The following DZIP3 variants were observed in gnomAD, a reference collection of about 807,000 sequenced individuals.
DZIP3 encodes the protein E3 ubiquitin-protein ligase DZIP3.
Under a neutral mutation model 162.0 loss-of-function variants are expected in DZIP3, and 118 were observed. The observed-to-expected ratio is 0.73, with a 90% CI of 0.63 to 0.85. The LOEUF (loss-of-function observed/expected upper bound fraction) is 0.85, where lower values mean the gene tolerates loss of function less well. DZIP3 is among the 40% of genes least tolerant of loss of function. The pLI, the probability that DZIP3 is intolerant of heterozygous loss-of-function variation, is 0.00. For missense variants in DZIP3, 1,331 were observed against 1,407.0 expected (o/e 0.95, Z 0.86); for synonymous variants, 438 against 458.6 (o/e 0.96, Z 0.57).
chr3:108,667,213 A>G (rs1943720698), intron 21 of DZIP3, among the ~76,000 whole-genome samples: 1 of 152,110 alleles, frequency 6.6e-6, no homozygotes, highest in Non-Finnish European at 1.5e-5. Context: ...GAGAAAATCC[A>G]TGAAACAAAA....
At chr3:108,686,421 G>A (rs1448152434) in intron 27 of DZIP3, 24 bp from the exon 28 acceptor site, 7 of 1,534,740 alleles carry the variant, frequency 4.6e-6, no homozygotes, top group Non-Finnish European at 6.1e-6. Flanking sequence ...AACCTGCTGG[G>A]CTATAGCTCT....
chr3:108,636,660 C>T lies in DZIP3; in HGVS notation c.963C>T (p.Asp321=), dbSNP rs765467033. The change falls in exon 11 of 33, where the codon GAC becomes GAT. Residue 321 remains aspartate, a synonymous_variant. Transcript: ENST00000361582. ...GTTTGAAGGAAGGATGTACAGGTGA[C>T]ATGGTAAGGATGCTGCAATGTGATG... The part of the protein sequence containing the change: ...KKCLKEGCTG[D]MVRMLQCDVP... 1.3e-6 allele frequency: 2 copies of T among 1,582,300 alleles called. No individual in the cohort carries two copies. Among genetic ancestry groups the T allele is most frequent in the South Asian group, 2.4e-5 (2 of 83,414 alleles).
chr3:108,678,364 G>A (rs1370378893), intron 26 of DZIP3, among the ~76,000 whole-genome samples: 1 of 151,908 alleles, frequency 6.6e-6, no homozygotes, highest in Non-Finnish European at 1.5e-5. Context: ...CCACTCCCCA[G>A]TTCTTGAAAA....
Position 108,629,132 on chromosome 3 carries a change from G to A in DZIP3, c.652G>A (p.Asp218Asn). Reference sequence around the variant, plus strand: ...TGGAGACAAAAATGACCATTGGTTTGACATAGATCCTACAGAAGATGAAGA... The same window carrying A: ...TGGAGACAAAAATGACCATTGGTTTAACATAGATCCTACAGAAGATGAAGA... Reference protein sequence around the residue: ...EIGDKNDHWFDIDPTEDEDLP... With the variant: ...EIGDKNDHWFNIDPTEDEDLP... The change falls in exon 8 of 33, where the codon GAC (aspartate) becomes AAC (asparagine). Residue 218 changes from aspartate (D) to asparagine (N), a missense_variant. Coordinates refer to ENST00000361582, the MANE Select transcript of DZIP3 (RefSeq NM_014648.4). 6.2e-7 allele frequency: 1 copy of A among 1,601,854 alleles called. No homozygotes were observed. The highest frequency in any genetic ancestry group is 8.5e-7 in the Non-Finnish European group (1 of 1,176,100).
At chr3:108,611,373 GTA>G in intron 4 of DZIP3, 44 bp downstream of exon 4, 1 of 1,588,658 alleles carries the variant, frequency 6.3e-7, no homozygotes, top group South Asian at 1.2e-5. Flanking sequence ...GCAGCTGTCT[GTA>G]TATGACTTTT....
At chr3:108,655,876 C>T (rs1261173427) in intron 19 of DZIP3, among the ~76,000 whole-genome samples, 2 of 152,164 alleles carry the variant, frequency 1.3e-5, no homozygotes, top group African/African-American at 4.8e-5. Context: ...GAGGGTCCCA[C>T]GCCCATGGAG....
At chr3:108,663,738 C>G (rs554024480) in intron 21 of DZIP3, among the ~76,000 whole-genome samples, 1 of 152,262 alleles carries the variant, frequency 6.6e-6, no homozygotes, top group African/African-American at 2.4e-5. Flanking sequence ...TACCGCTGAC[C>G]CATGCACTCT....
At chr3:108,634,997 C>G (rs1430171297) in intron 10 of DZIP3, 25 bp downstream of exon 10, 1 of 1,387,124 alleles carries the variant, frequency 7.2e-7, no homozygotes, top group Non-Finnish European at 1.0e-6. Context: ...CTTAAAACTA[C>G]AACAGCATTT....
At chr3:108,683,534 T>C (rs968302005) in intron 26 of DZIP3, among the ~76,000 whole-genome samples, 2 of 152,174 alleles carry the variant, frequency 1.3e-5, no homozygotes, top group African/African-American at 4.8e-5. Context: ...CCAATAAATC[T>C]GCCCCCTTCT....
At chr3:108,636,067 A>T (rs1261974153) in intron 10 of DZIP3, among the ~76,000 whole-genome samples, 1 of 151,984 alleles carries the variant, frequency 6.6e-6, no homozygotes, top group Non-Finnish European at 1.5e-5. Flanking sequence ...AAAACAGAGG[A>T]ACTCACATTG....
chr3:108,668,906 A>G (rs1236035247), intron 21 of DZIP3, among the ~76,000 whole-genome samples: 2 of 151,992 alleles, frequency 1.3e-5, no homozygotes, highest in East Asian at 3.9e-4. Flanking sequence ...TTAAAGAGAA[A>G]TGTGCTTTTA....
intron 27 of DZIP3, among the ~76,000 whole-genome samples, chr3:108,684,771 T>C (rs1453385669): frequency 6.6e-6 from 1 of 152,158 alleles, no homozygotes; most frequent in Non-Finnish European, 1.5e-5. Context: ...AGGACAGTAT[T>C]TCAAGTGTAT....
intron 1 of DZIP3, among the ~76,000 whole-genome samples, chr3:108,590,544 A>G (rs1939335867): frequency 6.6e-6 from 1 of 152,236 alleles, no homozygotes; most frequent in African/African-American, 2.4e-5. Flanking sequence ...TTCATTCCGT[A>G]AACAATTATA....
Position 108,605,332 on chromosome 3 carries a change from C to A in DZIP3, c.-72-3C>A. ...CTTCATAAAAATATTATTTTCCTTACAGCATTAAAGGGCAGTATTTAAAGT... is the reference window on the plus strand; with the variant it reads ...CTTCATAAAAATATTATTTTCCTTAAAGCATTAAAGGGCAGTATTTAAAGT... On this transcript the variant is annotated splice_region_variant and splice_polypyrimidine_tract_variant and intron_variant, in intron 1 of 32. Transcript: ENST00000361582. 1 of 1,560,080 alleles carries A rather than the reference C, an allele frequency of 6.4e-7. No homozygotes were observed. The highest frequency in any genetic ancestry group is 8.8e-7 in the Non-Finnish European group (1 of 1,136,978).
At chr3:108,602,494 C>A (rs1940075453) in intron 1 of DZIP3, among the ~76,000 whole-genome samples, 2 of 152,154 alleles carry the variant, frequency 1.3e-5, no homozygotes, top group Non-Finnish European at 2.9e-5. Flanking sequence ...GCCCTCAGAT[C>A]AACCAACAAG....
In DZIP3 at chr3:108,629,598, A is replaced by G. The variant is rs113978811; in HGVS notation, c.696+422A>G. On this transcript the variant is annotated intron_variant, in intron 8 of 32. Transcript: ENST00000361582. The stretch of plus-strand genomic sequence containing the variant: ...TTCAAATGGAAAAACCATTGTTAGC[A>G]TTTTTATTTATATCTGTCCAGACAC... Among the ~76,000 whole-genome samples the G allele has an allele frequency of 4.8e-3, 725 of 152,148 alleles. 2 individuals carry two copies. Among genetic ancestry groups the G allele is most frequent in the African/African-American group, 0.017 (686 of 41,542 alleles).
chr3:108,662,172 G>A lies in DZIP3; in HGVS notation c.2338G>A (p.Glu780Lys), dbSNP rs751146926. 2.5e-6 allele frequency: 4 copies of A among 1,607,198 alleles called. No homozygotes were observed. Among genetic ancestry groups the A allele is most frequent in the Non-Finnish European group, 3.4e-6 (4 of 1,178,238 alleles). ...GAGAACAGTGACTTTTCGGTGGCAA[G>A]AAAACCAAATGCAGATTAAAAAGAA... ...QLRTVTFRWQ[E>K]NQMQIKKKDK... The change falls in exon 21 of 33, where the codon GAA (glutamate) becomes AAA (lysine). Residue 780 changes from glutamate (E) to lysine (K), a missense_variant. Around this residue, in one of 2 missense-constraint regions of DZIP3, gnomAD observed 1,278 missense variants for 1,317.1 expected, o/e 0.97. Coordinates refer to ENST00000361582, the MANE Select transcript of DZIP3 (RefSeq NM_014648.4).
At chr3:108,614,416 T>A (rs1224951063) in intron 4 of DZIP3, among the ~76,000 whole-genome samples, 2 of 152,204 alleles carry the variant, frequency 1.3e-5, no homozygotes, top group Non-Finnish European at 2.9e-5. Context: ...CTAGTAATTC[T>A]TATTTTTGCT....
At chr3:108,614,364 C>T (rs562366826) in intron 4 of DZIP3, among the ~76,000 whole-genome samples, 3 of 152,292 alleles carry the variant, frequency 2.0e-5, no homozygotes, top group Middle Eastern at 3.4e-3. Context: ...CTCATAGCAA[C>T]CTGCCTCTGT....
Sources: gnomAD v4.1 joint callset for allele counts (sites outside exome capture counted in the v4.1 genomes callset) on GRCh38, gnomAD v4.1.1 for gene constraint, gnomAD v4.1.1 regional missense constraint, MANE v1.5 for transcripts, NCBI Gene and HGNC (gene_info 2026-07-23, HGNC 2026-07-21) for gene names.